Variants in PAPOLG observed in about 807,000 individuals in gnomAD.
The protein encoded by PAPOLG is PAP-gamma.
A neutral mutation model predicts 99.0 loss-of-function variants in PAPOLG; 40 were observed. That is an observed-to-expected ratio of 0.40 (90% confidence interval 0.31 to 0.53). The LOEUF (loss-of-function observed/expected upper bound fraction) is 0.53, where lower values mean the gene tolerates loss of function less well. PAPOLG is among the 20% of genes least tolerant of loss of function. The pLI is 0.41. For missense variants in PAPOLG, 675 were observed against 884.1 expected (o/e 0.76, Z 3.00); for synonymous variants, 310 against 299.3 (o/e 1.04, Z -0.37).
chr2:60,784,068 G>A (rs1237449577), intron 13 of PAPOLG, among the ~76,000 whole-genome samples: 1 of 152,168 alleles, frequency 6.6e-6, no homozygotes, highest in Non-Finnish European at 1.5e-5. Context: ...CCGCCTCCCG[G>A]GTTCAAGCAA....
intron 3 of PAPOLG, among the ~76,000 whole-genome samples, chr2:60,763,112 T>C (rs987736045): frequency 4.6e-5 from 7 of 151,834 alleles, no homozygotes; most frequent in African/African-American, 1.7e-4. Flanking sequence ...TCTCCCTCTG[T>C]CACCCAGGCT....
intron 15 of PAPOLG, among the ~76,000 whole-genome samples, chr2:60,788,794 G>A (rs1408463602): frequency 6.6e-6 from 1 of 151,976 alleles, no homozygotes; most frequent in Non-Finnish European, 1.5e-5. Context: ...TCAGGAGTTT[G>A]AGACCAGCCT....
At position 60,779,788 on chromosome 2, in the gene PAPOLG, G is replaced by T. The variant is rs756770645; in HGVS notation, c.833+13G>T. ...TTTTTTCCAAGTGGTAAGTATTTAC[G>T]TGTGTACTTTGACTGTTTACTAATC... is the stretch of plus-strand genomic sequence containing the variant. On this transcript the variant is annotated intron_variant, in intron 9 of 21. Coordinates refer to ENST00000238714, the MANE Select transcript of PAPOLG (RefSeq NM_022894.4). 1 of 1,602,782 alleles carries T rather than the reference G, an allele frequency of 6.2e-7. No homozygotes were observed. Among genetic ancestry groups the T allele is most frequent in the Non-Finnish European group, 8.5e-7 (1 of 1,170,314 alleles).
At chr2:60,767,686 C>G (rs1173400891) in intron 3 of PAPOLG, among the ~76,000 whole-genome samples, 1 of 152,202 alleles carries the variant, frequency 6.6e-6, no homozygotes, top group Non-Finnish European at 1.5e-5. Flanking sequence ...TCAGGAATGA[C>G]TCCGTTCTTA....
intron 1 of PAPOLG, among the ~76,000 whole-genome samples, chr2:60,758,615 G>T (rs1240276808): frequency 2.0e-5 from 3 of 151,988 alleles, no homozygotes; most frequent in Non-Finnish European, 4.4e-5. Context: ...TTTCAGTAGA[G>T]ACGGGGTTTC....
intron 14 of PAPOLG, among the ~76,000 whole-genome samples, chr2:60,787,279 G>A (rs2103813445): frequency 6.6e-6 from 1 of 152,218 alleles, no homozygotes; most frequent in South Asian, 2.1e-4. Flanking sequence ...AATATTTGGA[G>A]CATCTTTAAG....
intron 6 of PAPOLG, among the ~76,000 whole-genome samples, chr2:60,770,738 C>G (rs1670828030): frequency 6.6e-6 from 1 of 151,896 alleles, no homozygotes; most frequent in African/African-American, 2.4e-5. Flanking sequence ...ATCCTTCCAC[C>G]TGAGCCTCCT....
chr2:60,796,246 C>T (rs1475546665), intron 21 of PAPOLG, among the ~76,000 whole-genome samples: 2 of 117,902 alleles, frequency 1.7e-5, no homozygotes, highest in South Asian at 2.8e-4. Flanking sequence ...GACATGGAGG[C>T]TCGCTCTGTA....
At chr2:60,783,500 C>CTTTTTTTTTTTTTTTTTTTTT (rs761205449) in intron 13 of PAPOLG, among the ~76,000 whole-genome samples, 1 of 45,362 alleles carries the variant, frequency 2.2e-5, no homozygotes, top group African/African-American at 8.8e-5. Context: ...TTTACCCGGC[C>CTTTTTTTTTTTTTTTTTTTTT]TTTTTTTTTT....
intron 19 of PAPOLG, 176 bp downstream of exon 19, chr2:60,794,367 C>G (rs1294423902): frequency 4.3e-6 from 3 of 698,764 alleles, no homozygotes; most frequent in South Asian, 2.2e-5. Context: ...ACTAATACGT[C>G]TGAAAATTTG....
Position 60,780,734 on chromosome 2 carries a change from G to C in PAPOLG, c.861G>C (p.Lys287Asn), listed in dbSNP as rs778844365. 1 of 1,614,136 alleles carries C rather than the reference G, an allele frequency of 6.2e-7. No individual in the cohort carries two copies. The highest frequency in any genetic ancestry group is 1.7e-5 in the Admixed American group (1 of 60,016). Reference protein sequence around the residue: ...KWEWPNPVLLKQPEESNLNLP... With the variant: ...KWEWPNPVLLNQPEESNLNLP... ...AATGGCCAAATCCTGTGCTGCTGAAGCAACCAGAAGAAAGCAATTTGAATT... is the reference window on the plus strand; with the variant it reads ...AATGGCCAAATCCTGTGCTGCTGAACCAACCAGAAGAAAGCAATTTGAATT... Residue 287 changes from lysine (K) to asparagine (N), a missense_variant, in exon 10 of 22, where the codon AAG becomes AAC. By Grantham distance (94) the Lys-to-Asn change is moderately conservative (BLOSUM62 0). Around this residue, in one of 3 missense-constraint regions of PAPOLG, gnomAD observed 113 missense variants for 231.5 expected, o/e 0.49. Transcript: ENST00000238714.
At position 60,797,511 on chromosome 2, in the gene PAPOLG, T is replaced by C. The variant is rs1671746610; in HGVS notation, c.*351T>C. On this transcript the variant is annotated 3_prime_UTR_variant, in exon 22 of 22. Transcript: ENST00000238714. ...GATAACAAGTCCTGAACTCCTTTTTTGTTTTGTTTTTTGTGTTTTTCTTTT... is the reference window on the plus strand; with the variant it reads ...GATAACAAGTCCTGAACTCCTTTTTCGTTTTGTTTTTTGTGTTTTTCTTTT... 5.1e-6 allele frequency: 1 copy of C among 195,672 alleles called. No homozygotes were observed. The allele number at this position is 195,672 out of a possible 1,614,324, so 12.1% of individuals were successfully genotyped here.
intron 8 of PAPOLG, among the ~76,000 whole-genome samples, chr2:60,777,706 G>A (rs775735632): frequency 2.0e-5 from 3 of 152,028 alleles, no homozygotes; most frequent in African/African-American, 4.8e-5. Flanking sequence ...TCTTTTACTT[G>A]AACACTTAGA....
rs1279109553 is a variant in PAPOLG at position 60,787,434 on chromosome 2, T to C, written c.1287-77T>C. 3.8e-5 allele frequency: 56 copies of C among 1,486,506 alleles called. No homozygotes were observed. In the East Asian group the frequency reaches 1.4e-3, roughly 37 times the overall value. The allele number at this position is 1,486,506 out of a possible 1,614,324, so 92.1% of individuals were successfully genotyped here. A position where few individuals can be genotyped will look rare whatever the true frequency, so the allele number is the denominator to read the frequency against. On this transcript the variant is annotated intron_variant, in intron 14 of 21. Coordinates refer to ENST00000238714, the MANE Select transcript of PAPOLG (RefSeq NM_022894.4). ...TGAGATAGAGACATAGAGACCAAGT[T>C]TTAATTATGAAATAGCATCTGTAAA...
intron 8 of PAPOLG, 91 bp from the exon 9 acceptor site, chr2:60,779,546 G>T (rs748973531): frequency 5.2e-6 from 7 of 1,353,110 alleles, no homozygotes; most frequent in African/African-American, 1.5e-5. Context: ...GAATGTCACG[G>T]ATATTCATTC....
intron 7 of PAPOLG, among the ~76,000 whole-genome samples, chr2:60,773,310 C>T (rs1329081337): frequency 6.6e-6 from 1 of 152,174 alleles, no homozygotes; most frequent in East Asian, 1.9e-4. Context: ...GCAGTCATTT[C>T]CCCTTCCAAT....
rs1573264569 is a variant in PAPOLG, at chr2:60,797,553, A to G, written c.*393A>G. 1 of 159,918 alleles carries G rather than the reference A, an allele frequency of 6.3e-6. No homozygotes were observed. The highest frequency in any genetic ancestry group is 1.7e-4 in the East Asian group (1 of 5,968). 9.9% of individuals were successfully genotyped at this position (159,918 alleles called of 1,614,324 possible). On this transcript the variant is annotated 3_prime_UTR_variant, in exon 22 of 22. Coordinates refer to ENST00000238714, the MANE Select transcript of PAPOLG (RefSeq NM_022894.4). ...TTTTCTTTTTTTGTCTTATGTTGTA[A>G]TCATTGTATAGAGCTAAAAAAATTG...
intron 12 of PAPOLG, 110 bp downstream of exon 12, chr2:60,782,880 A>G: frequency 7.7e-7 from 1 of 1,294,638 alleles, no homozygotes; most frequent in Non-Finnish European, 1.0e-6. Flanking sequence ...CTTAAGCAAG[A>G]GAGAATAGAT....
chr2:60,772,776 A>G (rs765706360), intron 7 of PAPOLG, among the ~76,000 whole-genome samples: 3 of 152,140 alleles, frequency 2.0e-5, no homozygotes, highest in Non-Finnish European at 4.4e-5. Context: ...CTGTCCTCTT[A>G]GTTGGAAAAG....
Sources: gnomAD v4.1 joint callset for allele counts (sites outside exome capture counted in the v4.1 genomes callset) on GRCh38, gnomAD v4.1.1 for gene constraint, gnomAD v4.1.1 regional missense constraint, MANE v1.5 for transcripts, NCBI Gene and HGNC (gene_info 2026-07-23, HGNC 2026-07-21) for gene names.